The following GPD2 variants were observed in gnomAD, a reference collection of about 807,000 sequenced individuals.
GPD2 encodes the protein glycerol-3-phosphate dehydrogenase 2.
GPD2 carries 54 observed loss-of-function variants against 82.4 expected under a neutral mutation model. The ratio of observed to expected loss-of-function variants is 0.66; its 90% CI spans 0.53 to 0.82. The LOEUF (loss-of-function observed/expected upper bound fraction) is 0.82. Among genes scored for constraint, GPD2 ranks in the 40% least tolerant of loss-of-function variants. The pLI, the probability that GPD2 is intolerant of heterozygous loss-of-function variation, is 0.00. For missense variants in GPD2, 748 were observed against 896.2 expected (o/e 0.83, Z 2.11); for synonymous variants, 288 against 306.1 (o/e 0.94, Z 0.62).
intron 2 of GPD2, among the ~76,000 whole-genome samples, chr2:156,476,798 A>G (rs1303959975): frequency 1.3e-5 from 2 of 152,232 alleles, no homozygotes; most frequent in East Asian, 3.9e-4. Context: ...CCATAGTTCA[A>G]ACTGATGCCC....
At chr2:156,536,022 C>G (rs1040908318) in intron 6 of GPD2, among the ~76,000 whole-genome samples, 1 of 152,158 alleles carries the variant, frequency 6.6e-6, no homozygotes, top group Non-Finnish European at 1.5e-5. Context: ...TATTTTTAAC[C>G]TGTATCATAT....
intron 3 of GPD2, among the ~76,000 whole-genome samples, chr2:156,499,877 TA>T (rs1684525286): frequency 6.6e-6 from 1 of 151,864 alleles, no homozygotes; most frequent in African/African-American, 2.4e-5. Flanking sequence ...CTGAGAATAG[TA>T]AGACTAGTAA....
intron 3 of GPD2, among the ~76,000 whole-genome samples, chr2:156,508,395 A>G (rs1047714652): frequency 3.3e-5 from 5 of 152,134 alleles, no homozygotes; most frequent in Admixed American, 6.6e-5. Flanking sequence ...TCACCTGCTC[A>G]TTAGAAGAAA....
intron 3 of GPD2, among the ~76,000 whole-genome samples, chr2:156,510,399 C>G (rs995879263): frequency 2.6e-5 from 4 of 152,112 alleles, no homozygotes; most frequent in African/African-American, 9.7e-5. Flanking sequence ...TGAGGGGCTG[C>G]GACAGGTCTG....
At chr2:156,522,933 T>C (rs186733591) in intron 6 of GPD2, among the ~76,000 whole-genome samples, 1 of 135,290 alleles carries the variant, frequency 7.4e-6, no homozygotes, top group Non-Finnish European at 1.7e-5. Context: ...TTAAAGACTT[T>C]ACTTTTTTAG....
rs111365361 is a variant in GPD2 at position 156,469,346 on chromosome 2, G to A, written c.-8-6752G>A. ...CCTGGCTAATTTTTTTGTATTTTTA[G>A]TAGAGACGGAGTTTCACCATGTTGG... On this transcript the variant is annotated intron_variant, in intron 1 of 16. Coordinates refer to ENST00000438166, the MANE Select transcript of GPD2 (RefSeq NM_000408.5). 5.9e-5 allele frequency among the ~76,000 whole-genome samples: 9 copies of A among 152,228 alleles called. 2 individuals are homozygous for A. Among genetic ancestry groups the A allele is most frequent in the African/African-American group, 2.2e-4 (9 of 41,530 alleles).
At chr2:156,419,380 CCAA>C in the GPD2 span, among the ~76,000 whole-genome samples, 10 of 152,100 alleles carry the variant, frequency 6.6e-5, no homozygotes, top group African/African-American at 2.4e-4. Flanking sequence ...TTTCTAAGCT[CCAA>C]CAACTGTGAA....
upstream of GPD2, chr2:156,435,924 C>T (rs1164456527): frequency 6.6e-6 from 1 of 152,472 alleles, no homozygotes. Context: ...TCTTCCCCAG[C>T]CTGGCCTAGC....
intron 2 of GPD2, among the ~76,000 whole-genome samples, chr2:156,489,859 TCCCTTCCTTCCTTCCTTCCCCTC>T (rs1479111211): frequency 1.0e-5 from 1 of 100,080 alleles, no homozygotes; most frequent in African/African-American, 3.8e-5. Flanking sequence ...CCTTCTTCCC[TCCCTTCCTTCCTTCCTTCCCCTC>T]CCCTCCCCTC....
In GPD2 at chr2:156,564,460, C is replaced by T. The variant is rs116391593; in HGVS notation, c.1166-4365C>T. Among the ~76,000 whole-genome samples, 1,344 of 152,210 alleles carry T rather than the reference C, an allele frequency of 8.8e-3. 6 individuals are homozygous for T. Among genetic ancestry groups the T allele is most frequent in the Non-Finnish European group, 0.015 (1,018 of 67,976 alleles). ...GATATGGAGAGGAACCTGTTAGCTT[C>T]GTCAGTTGCTGTCTTTTATTCAAGA... On this transcript the variant is annotated intron_variant, in intron 9 of 16. Coordinates refer to ENST00000438166, the MANE Select transcript of GPD2 (RefSeq NM_000408.5).
At chr2:156,539,316 A>G (rs1257737085) in intron 6 of GPD2, among the ~76,000 whole-genome samples, 2 of 152,202 alleles carry the variant, frequency 1.3e-5, no homozygotes, top group African/African-American at 4.8e-5. Flanking sequence ...TCTGATGAGG[A>G]AAGGGACGTC....
intron 1 of GPD2, among the ~76,000 whole-genome samples, chr2:156,462,843 G>A (rs1438714524): frequency 6.6e-6 from 1 of 152,122 alleles, no homozygotes; most frequent in Non-Finnish European, 1.5e-5. Flanking sequence ...AACTAACTTG[G>A]CTCTCATTTT....
chr2:156,449,856 C>CAAAAAAAAAAAAAAAAA lies in GPD2; in HGVS notation c.-9+13355_-9+13356insAAAAAAAAAAAAAAAAA, dbSNP rs70987037. The stretch of plus-strand genomic sequence containing the variant: ...CAAAACTCCATCTCTACTAAATATA[C>CAAAAAAAAAAAAAAAAA]AAAAAAAAAAAAGCCGGGCATGGTG... On this transcript the variant is annotated intron_variant, in intron 1 of 16. Transcript: ENST00000438166. Among the ~76,000 whole-genome samples, 20 of 83,966 alleles carry CAAAAAAAAAAAAAAAAA rather than the reference C, an allele frequency of 2.4e-4. 1 individual carries two copies. The highest frequency in any genetic ancestry group is 9.4e-4 in the East Asian group (2 of 2,138). The allele number at this position is 83,966 out of a possible 152,430, so 55.1% of individuals were successfully genotyped here. A position where few individuals can be genotyped will look rare whatever the true frequency, so the allele number is the denominator to read the frequency against.
At chr2:156,453,808 T>G (rs907876438) in intron 1 of GPD2, among the ~76,000 whole-genome samples, 1 of 151,760 alleles carries the variant, frequency 6.6e-6, no homozygotes, top group Non-Finnish European at 1.5e-5. Flanking sequence ...ACCCGGGAGG[T>G]GGAGGTTGCA....
chr2:156,496,349 A>C, intron 3 of GPD2, 134 bp downstream of exon 3: 1 of 648,002 alleles, frequency 1.5e-6, no homozygotes, highest in Non-Finnish European at 2.7e-6. Flanking sequence ...GTACAAGCTC[A>C]GCATGCATTA....
intron 5 of GPD2, 37 bp from the exon 6 acceptor site, chr2:156,513,296 T>C: frequency 7.0e-7 from 1 of 1,436,712 alleles, no homozygotes; most frequent in Non-Finnish European, 9.8e-7. Context: ...TGCTATACTC[T>C]GTTTCTGAAG....
At chr2:156,532,142 T>C (rs1160640419) in intron 6 of GPD2, among the ~76,000 whole-genome samples, 1 of 152,100 alleles carries the variant, frequency 6.6e-6, no homozygotes, top group African/African-American at 2.4e-5. Context: ...AGACTATCGT[T>C]GTGCACCAAC....
At chr2:156,429,381 C>T in the GPD2 span, among the ~76,000 whole-genome samples, 1 of 152,156 alleles carries the variant, frequency 6.6e-6, no homozygotes, top group African/African-American at 2.4e-5. Flanking sequence ...TTCTGCTTAC[C>T]CACACTTTCC....
At chr2:156,465,722 C>T (rs777260767) in intron 1 of GPD2, among the ~76,000 whole-genome samples, 2 of 151,896 alleles carry the variant, frequency 1.3e-5, no homozygotes, top group East Asian at 3.9e-4. Flanking sequence ...GTAAAAAGAG[C>T]GTTTATGCTG....
Sources: gnomAD v4.1 joint callset for allele counts (sites outside exome capture counted in the v4.1 genomes callset) on GRCh38, gnomAD v4.1.1 for gene constraint, MANE v1.5 for transcripts, NCBI Gene and HGNC (gene_info 2026-07-23, HGNC 2026-07-21) for gene names.